EPM2A: variants seen among roughly 807,000 people sequenced by gnomAD.
EPM2A encodes the protein EPM2A glucan phosphatase, laforin.
EPM2A carries 21 observed loss-of-function variants against 26.5 expected under a neutral mutation model. The observed-to-expected ratio is 0.79, with a 90% confidence interval of 0.56 to 1.14. The LOEUF (loss-of-function observed/expected upper bound fraction) is 1.14. Ranked by LOEUF, EPM2A falls within the 50% of genes most tolerant of loss-of-function variation. EPM2A has a pLI of 0.00. For missense variants in EPM2A, 458 were observed against 440.8 expected (o/e 1.04, Z -0.35); for synonymous variants, 217 against 177.6 (o/e 1.22, Z -1.76).
At chr6:145,582,871 T>C (rs1025457684) in intron 2 of EPM2A, among the ~76,000 whole-genome samples, 2 of 152,208 alleles carry the variant, frequency 1.3e-5, no homozygotes, top group Non-Finnish European at 2.9e-5. Flanking sequence ...TTTTTCTTTA[T>C]TTGTGTCTGA....
chr6:145,706,650 A>T (rs1449877645), intron 1 of EPM2A, among the ~76,000 whole-genome samples: 3 of 152,218 alleles, frequency 2.0e-5, no homozygotes, highest in Non-Finnish European at 4.4e-5. Context: ...ACACATAGAG[A>T]TTAAAATAAT....
intron 4 of EPM2A, among the ~76,000 whole-genome samples, chr6:145,413,438 G>T (rs929263091): frequency 8.5e-5 from 13 of 152,110 alleles, no homozygotes; most frequent in African/African-American, 3.1e-4. Flanking sequence ...CTTGAAAGAA[G>T]GCAGGAATAG....
chr6:145,639,625 T>TG (rs1241028445), intron 2 of EPM2A: 10 of 152,072 alleles, frequency 6.6e-5, no homozygotes, highest in African/African-American at 2.2e-4. Context: ...TGAGAAAAAA[T>TG]GGGCTTCCTC....
intron 2 of EPM2A, among the ~76,000 whole-genome samples, chr6:145,675,499 TAA>T (rs1488534993): frequency 2.6e-5 from 4 of 152,074 alleles, no homozygotes; most frequent in Non-Finnish European, 4.4e-5. Flanking sequence ...GCAAATTAGA[TAA>T]AGAGTCAAGA....
At chr6:145,731,754 A>T (rs1475855223) in intron 1 of EPM2A, among the ~76,000 whole-genome samples, 1 of 151,914 alleles carries the variant, frequency 6.6e-6, no homozygotes, top group African/African-American at 2.4e-5. Context: ...TTTAGAAGAA[A>T]TTTTTTTAAT....
chr6:145,574,890 A>G (rs1182865152), intron 2 of EPM2A, among the ~76,000 whole-genome samples: 1 of 152,170 alleles, frequency 6.6e-6, no homozygotes, highest in Admixed American at 6.5e-5. Flanking sequence ...CACCCTTAAT[A>G]TCTATTCCCA....
chr6:145,405,197 C>T (rs1047378511), intron 4 of EPM2A, among the ~76,000 whole-genome samples: 5 of 151,802 alleles, frequency 3.3e-5, no homozygotes, highest in South Asian at 4.1e-4. Flanking sequence ...TGAATTTGCA[C>T]GTTTAATCAA....
At chr6:145,553,090 A>G (rs1780677678) in intron 2 of EPM2A, among the ~76,000 whole-genome samples, 1 of 152,046 alleles carries the variant, frequency 6.6e-6, no homozygotes, top group Admixed American at 6.6e-5. Context: ...CAGTTTCGCC[A>G]TGCTGTTATC....
chr6:145,432,127 T>C (rs1778930434), intron 4 of EPM2A, among the ~76,000 whole-genome samples: 2 of 152,316 alleles, frequency 1.3e-5, no homozygotes, highest in Middle Eastern at 3.4e-3. Flanking sequence ...ACAGTTGCTT[T>C]CTCTTCTGAA....
At chr6:145,538,940 A>T (rs1462478214) in intron 2 of EPM2A, among the ~76,000 whole-genome samples, 3 of 152,240 alleles carry the variant, frequency 2.0e-5, no homozygotes, top group African/African-American at 7.2e-5. Context: ...TCCATGTACC[A>T]GAAATCCTTG....
chr6:145,456,642 G>A (rs1779266119), intron 4 of EPM2A, among the ~76,000 whole-genome samples: 1 of 152,050 alleles, frequency 6.6e-6, no homozygotes, highest in Non-Finnish European at 1.5e-5. Flanking sequence ...GGCTTACTAT[G>A]TACTAAACAG....
At chr6:145,660,321 G>C (rs796919196) in intron 2 of EPM2A, among the ~76,000 whole-genome samples, 9 of 152,086 alleles carry the variant, frequency 5.9e-5, no homozygotes, top group African/African-American at 2.2e-4. Flanking sequence ...TGTGATAAAA[G>C]CAAATACCAT....
chr6:145,480,996 T>C (rs777043302), intron 4 of EPM2A, among the ~76,000 whole-genome samples: 1 of 152,118 alleles, frequency 6.6e-6, no homozygotes, highest in Non-Finnish European at 1.5e-5. Flanking sequence ...TGCATTTGCA[T>C]CTTTTGAAAG....
At chr6:145,488,722 T>G (rs1247954302) in intron 4 of EPM2A, among the ~76,000 whole-genome samples, 1 of 152,174 alleles carries the variant, frequency 6.6e-6, no homozygotes. Context: ...ATACATGTTT[T>G]TCCCTGTACT....
chr6:145,404,694 C>G (rs1418363389), intron 4 of EPM2A, among the ~76,000 whole-genome samples: 1 of 152,056 alleles, frequency 6.6e-6, no homozygotes, highest in Non-Finnish European at 1.5e-5. Context: ...CATTGTCAAT[C>G]CTGAAAATCC....
chr6:145,684,612 T>C (rs927263152), intron 2 of EPM2A: 4 of 152,210 alleles, frequency 2.6e-5, no homozygotes, highest in Non-Finnish European at 5.9e-5. Context: ...TTGAATGCTA[T>C]CTATGTCTTG....
At chr6:145,705,358 T>C (rs73566113) in intron 1 of EPM2A, among the ~76,000 whole-genome samples, 2 of 151,970 alleles carry the variant, frequency 1.3e-5, no homozygotes, top group South Asian at 2.1e-4. Context: ...TAGATATATA[T>C]AGAGATAGAT....
At chr6:145,514,912 G>A (rs951313725) in intron 2 of EPM2A, among the ~76,000 whole-genome samples, 1 of 152,148 alleles carries the variant, frequency 6.6e-6, no homozygotes, top group African/African-American at 2.4e-5. Flanking sequence ...TCCTACCTAT[G>A]TCACCTAGGT....
chr6:145,673,275 T>C (rs1779781059), intron 2 of EPM2A, among the ~76,000 whole-genome samples: 2 of 152,072 alleles, frequency 1.3e-5, no homozygotes, highest in African/African-American at 2.4e-5. Flanking sequence ...TGTGGGATGA[T>C]AAACTTAAGA....
Sources: gnomAD v4.1 joint callset for allele counts (sites outside exome capture counted in the v4.1 genomes callset) on GRCh38, gnomAD v4.1.1 for gene constraint, MANE v1.5 for transcripts, NCBI Gene and HGNC (gene_info 2026-07-23, HGNC 2026-07-21) for gene names.